LRRC4C: variants seen among roughly 807,000 people sequenced by gnomAD.
LRRC4C encodes the protein leucine-rich repeat-containing protein 4C.
Under a neutral mutation model 33.6 loss-of-function variants are expected in LRRC4C, and 5 were observed. The ratio of observed to expected loss-of-function variants is 0.15; its 90% CI spans 0.08 to 0.31. The LOEUF (loss-of-function observed/expected upper bound fraction) is 0.31, where lower values mean the gene tolerates loss of function less well. Ranked by LOEUF, LRRC4C falls within the 10% of genes least tolerant of loss-of-function variation. The pLI is 1.00. For missense variants in LRRC4C, 560 were observed against 796.7 expected (o/e 0.70, Z 3.58); for synonymous variants, 329 against 302.0 (o/e 1.09, Z -0.93).
intron 3 of LRRC4C, among the ~76,000 whole-genome samples, chr11:40,395,846 G>A (rs1358195716): frequency 1.3e-5 from 2 of 152,076 alleles, no homozygotes; most frequent in African/African-American, 4.8e-5. Context: ...AATTAGCTGG[G>A]TGTGGTCACA....
intron 1 of LRRC4C, among the ~76,000 whole-genome samples, chr11:41,316,161 T>C (rs1301917573): frequency 6.7e-6 from 1 of 150,170 alleles, no homozygotes; most frequent in Non-Finnish European, 1.5e-5. Flanking sequence ...ATAGTCTTTT[T>C]TACAATGAGA....
intron 1 of LRRC4C, among the ~76,000 whole-genome samples, chr11:41,209,369 A>C (rs1174212837): frequency 6.6e-6 from 1 of 151,748 alleles, no homozygotes; most frequent in African/African-American, 2.4e-5. Flanking sequence ...TGATTGTCTA[A>C]ATTATTCCAG....
intron 3 of LRRC4C, among the ~76,000 whole-genome samples, chr11:40,478,519 G>A (rs1264903973): frequency 6.6e-6 from 1 of 152,132 alleles, no homozygotes; most frequent in African/African-American, 2.4e-5. Flanking sequence ...GAGATTGCAA[G>A]TTAAGAATGT....
chr11:40,222,986 C>A (rs1488969223), intron 5 of LRRC4C, among the ~76,000 whole-genome samples: 1 of 141,478 alleles, frequency 7.1e-6, no homozygotes, highest in Non-Finnish European at 1.5e-5. Flanking sequence ...GAACAGTGAG[C>A]GGTCTCATTG....
chr11:40,546,815 A>T lies in LRRC4C; in HGVS notation c.-270+101327T>A, dbSNP rs541704173. Among the ~76,000 whole-genome samples the T allele has an allele frequency of 3.9e-5, 6 of 152,206 alleles. No homozygotes were observed. The East Asian group carries it at 1.2e-3, about 29-fold the overall frequency. On this transcript the variant is annotated intron_variant, in intron 3 of 6. Coordinates refer to ENST00000528697, the MANE Select transcript of LRRC4C (RefSeq NM_001258419.2). ...GGATACTGTTAGCACCATTTTAAAG[A>T]TGGAAAAAACAGAGATTTTGAAAGT...
intron 6 of LRRC4C, among the ~76,000 whole-genome samples, chr11:40,122,445 C>T (rs906663376): frequency 3.2e-4 from 48 of 152,014 alleles, no homozygotes; most frequent in Non-Finnish European, 5.9e-5. Context: ...GTGTGTTGTT[C>T]TCCTCCCTGT....
At chr11:41,362,631 T>G (rs1952396201) in intron 1 of LRRC4C, among the ~76,000 whole-genome samples, 1 of 152,162 alleles carries the variant, frequency 6.6e-6, no homozygotes, top group African/African-American at 2.4e-5. Context: ...AAAATGTGTC[T>G]TAAATTCAAA....
intron 1 of LRRC4C, among the ~76,000 whole-genome samples, chr11:41,116,410 A>G (rs1039041363): frequency 6.6e-5 from 10 of 152,154 alleles, no homozygotes; most frequent in African/African-American, 2.4e-4. Context: ...TAATCAAATA[A>G]CAATGTATTA....
chr11:40,217,069 G>C (rs188362636), intron 5 of LRRC4C, among the ~76,000 whole-genome samples: 30 of 152,140 alleles, frequency 2.0e-4, no homozygotes, highest in African/African-American at 5.3e-4. Flanking sequence ...GGTTGGAAAG[G>C]GTGAAAGAAC....
intron 1 of LRRC4C, among the ~76,000 whole-genome samples, chr11:41,196,927 G>A (rs1018480969): frequency 3.3e-5 from 5 of 151,980 alleles, no homozygotes; most frequent in East Asian, 3.9e-4. Context: ...TTATTCCCAT[G>A]TCAGACACAA....
At chr11:41,322,856 T>C (rs1267724008) in intron 1 of LRRC4C, among the ~76,000 whole-genome samples, 1 of 152,180 alleles carries the variant, frequency 6.6e-6, no homozygotes, top group East Asian at 1.9e-4. Flanking sequence ...AAGTGCAGCA[T>C]AGTCTTGCAC....
chr11:40,312,626 TAA>T (rs1945370283), intron 4 of LRRC4C, among the ~76,000 whole-genome samples: 1 of 152,172 alleles, frequency 6.6e-6, no homozygotes, highest in Non-Finnish European at 1.5e-5. Context: ...CCAAGAATGC[TAA>T]AAGAAAGGCA....
intron 1 of LRRC4C, among the ~76,000 whole-genome samples, chr11:40,950,991 A>G (rs1241852725): frequency 2.0e-5 from 3 of 151,930 alleles, no homozygotes; most frequent in South Asian, 2.1e-4. Flanking sequence ...GAATACATAC[A>G]TGAATCAGTA....
intron 1 of LRRC4C, among the ~76,000 whole-genome samples, chr11:41,303,092 TCCC>T (rs1950331267): frequency 3.4e-5 from 3 of 87,366 alleles, no homozygotes; most frequent in Non-Finnish European, 7.5e-5. Context: ...CCTCTCCCTC[TCCC>T]TCTCCCTCTC....
At chr11:40,338,934 A>G (rs1946748021) in intron 3 of LRRC4C, among the ~76,000 whole-genome samples, 1 of 152,222 alleles carries the variant, frequency 6.6e-6, no homozygotes, top group Admixed American at 6.5e-5. Context: ...AAGCCTCCAG[A>G]AAGCCAAAGA....
intron 6 of LRRC4C, among the ~76,000 whole-genome samples, chr11:40,124,747 G>A (rs1856080512): frequency 6.6e-6 from 1 of 152,052 alleles, no homozygotes; most frequent in Non-Finnish European, 1.5e-5. Flanking sequence ...CTATTTGATA[G>A]CACAATAGGA....
At position 40,114,388 on chromosome 11, in the gene LRRC4C, T is replaced by C. The variant is rs906877157; in HGVS notation, c.1905A>G (p.Val635=). The C allele has an allele frequency of 6.2e-7, 1 of 1,612,914 alleles. No homozygotes were observed. The highest frequency in any genetic ancestry group is 8.5e-7 in the Non-Finnish European group (1 of 1,179,174). ...AAATGTTTTAGATTTGAGTCTCTTG[T>C]ACATTGTCTTTAGAGTTCATTCGGA... The part of the protein sequence containing the change: ...LLIRMNSKDN[V]QETQI Residue 635 remains valine, a synonymous_variant, in exon 7 of 7, where the codon GTA becomes GTG. Coordinates refer to ENST00000528697, the MANE Select transcript of LRRC4C (RefSeq NM_001258419.2).
chr11:41,291,863 A>T (rs2137012274), intron 1 of LRRC4C, among the ~76,000 whole-genome samples: 1 of 152,304 alleles, frequency 6.6e-6, no homozygotes, highest in Admixed American at 6.5e-5. Context: ...TGCATACCTT[A>T]AATACTTAAC....
At chr11:40,261,387 T>C (rs1941817009) in intron 4 of LRRC4C, among the ~76,000 whole-genome samples, 2 of 152,174 alleles carry the variant, frequency 1.3e-5, no homozygotes, top group African/African-American at 2.4e-5. Flanking sequence ...AAGGGTTATG[T>C]TTTGTCAGAA....
Sources: allele counts gnomAD v4.1 joint callset (sites outside exome capture counted in the v4.1 genomes callset), GRCh38; gene constraint gnomAD v4.1.1; transcripts MANE v1.5; gene names NCBI Gene and HGNC (gene_info 2026-07-23, HGNC 2026-07-21).